The following LIN54 variants were observed in gnomAD, a reference collection of about 807,000 sequenced individuals.
LIN54 encodes lin-54 DREAM MuvB core complex component.
Under a neutral mutation model 78.7 loss-of-function variants are expected in LIN54, and 9 were observed. The observed-to-expected ratio is 0.11, with a 90% CI of 0.07 to 0.20. The LOEUF (loss-of-function observed/expected upper bound fraction) is 0.20. Among genes scored for constraint, LIN54 ranks in the 10% least tolerant of loss-of-function variants. The probability of loss-of-function intolerance (pLI) is 1.00; values close to 1 mark genes in which losing one functional copy is unlikely to be tolerated. For missense variants in LIN54, 573 were observed against 889.9 expected (o/e 0.64, Z 4.53); for synonymous variants, 269 against 318.4 (o/e 0.84, Z 1.65).
At chr4:83,003,020 T>G (rs1729000351) in intron 1 of LIN54, among the ~76,000 whole-genome samples, 1 of 152,182 alleles carries the variant, frequency 6.6e-6, no homozygotes, top group African/African-American at 2.4e-5. Flanking sequence ...TTAAGCTTTT[T>G]TTTGTGAGTG....
chr4:83,008,733 T>C (rs1729618533), intron 1 of LIN54, among the ~76,000 whole-genome samples: 1 of 152,184 alleles, frequency 6.6e-6, no homozygotes, highest in African/African-American at 2.4e-5. Flanking sequence ...AAATGAACAC[T>C]GGACTATCTC....
chr4:82,994,789 T>C (rs1728054869), intron 1 of LIN54, among the ~76,000 whole-genome samples: 1 of 152,092 alleles, frequency 6.6e-6, no homozygotes, highest in Non-Finnish European at 1.5e-5. Context: ...AGATCTTTGA[T>C]ATCCTTAATA....
chr4:82,981,542 A>G lies in LIN54; in HGVS notation c.685-2536T>C, dbSNP rs1726639259. Among the ~76,000 whole-genome samples, 14 of 152,292 alleles carry G rather than the reference A, an allele frequency of 9.2e-5. No individual in the cohort carries two copies. In the South Asian group the frequency reaches 2.9e-3, roughly 32 times the overall value. On this transcript the variant is annotated intron_variant, in intron 2 of 12. Coordinates refer to ENST00000340417, the MANE Select transcript of LIN54 (RefSeq NM_194282.4). ...ACTAAACCAAATATTCTGGTGTCAA[A>G]AAAGGAAAAAATATAGATGCATAGT...
intron 4 of LIN54, among the ~76,000 whole-genome samples, chr4:82,959,411 C>A (rs1436878339): frequency 6.6e-6 from 1 of 152,030 alleles, no homozygotes; most frequent in African/African-American, 2.4e-5. Flanking sequence ...AAGAGGATTG[C>A]TTCAATCCAG....
At chr4:82,931,214 A>G (rs371223380) in intron 11 of LIN54, 69 bp from the exon 12 acceptor site, 13 of 1,133,712 alleles carry the variant, frequency 1.1e-5, no homozygotes, top group African/African-American at 4.6e-5. Context: ...AGATGCCACA[A>G]TCAAATCAAC....
chr4:83,011,621 T>C (rs1729858412), upstream of LIN54, among the ~76,000 whole-genome samples: 1 of 152,106 alleles, frequency 6.6e-6, no homozygotes, highest in Non-Finnish European at 1.5e-5. Context: ...TGCTGATATA[T>C]TTGTTCTGTA....
In LIN54 at chr4:82,935,941, T is replaced by G. The variant is rs372407833; in HGVS notation, c.1845+40A>C. 3.1e-6 allele frequency: 5 copies of G among 1,597,644 alleles called. No individual in the cohort carries two copies. In the African/African-American group the frequency reaches 4.0e-5, roughly 13 times the overall value. ...TTTTGTAGTAGGTCCTTTCTAAAAC[T>G]GTTTTTAAAAGATATTATTTTCCGC... On this transcript the variant is annotated intron_variant, in intron 11 of 12. Transcript: ENST00000340417.
intron 4 of LIN54, among the ~76,000 whole-genome samples, chr4:82,954,092 AATAG>A (rs1197457264): frequency 1.3e-5 from 2 of 152,236 alleles, no homozygotes; most frequent in Non-Finnish European, 2.9e-5. Context: ...TGATTTTCAA[AATAG>A]ATAAATATTG....
intron 1 of LIN54, among the ~76,000 whole-genome samples, chr4:83,010,246 CATG>C (rs766236624): frequency 1.3e-5 from 2 of 152,204 alleles, no homozygotes; most frequent in Non-Finnish European, 2.9e-5. Flanking sequence ...ATCAGGAAAT[CATG>C]ATAAGTGCTA....
intron 1 of LIN54, among the ~76,000 whole-genome samples, chr4:83,000,672 C>T (rs1370402410): frequency 6.6e-6 from 1 of 151,932 alleles, no homozygotes; most frequent in East Asian, 1.9e-4. Context: ...CTTTAAGGCT[C>T]ATTATACATG....
intron 11 of LIN54, among the ~76,000 whole-genome samples, chr4:82,935,535 G>A (rs1344276709): frequency 1.3e-5 from 2 of 151,880 alleles, no homozygotes; most frequent in Admixed American, 6.6e-5. Context: ...TGATCTGCCC[G>A]CCTCTGCCTC....
rs1268052687 is a variant in LIN54, at chr4:83,010,552, C to T, written c.-101G>A. ...GGGCTCCAGAAGGTCCTGGGCAATC[C>T]CGAGCCCCGGCGGGGCTTGTTTTGC... On this transcript the variant is annotated 5_prime_UTR_variant, in exon 1 of 13. Transcript: ENST00000340417. The T allele has an allele frequency of 8.3e-7, 1 of 1,210,060 alleles. No individual in the cohort carries two copies. The highest frequency in any genetic ancestry group is 1.6e-5 in the African/African-American group (1 of 63,446). The allele number at this position is 1,210,060 out of a possible 1,614,324, so 75.0% of individuals were successfully genotyped here. A position where few individuals can be genotyped will look rare whatever the true frequency, so the allele number is the denominator to read the frequency against.
chr4:82,953,539 G>A (rs1321434657), intron 4 of LIN54, among the ~76,000 whole-genome samples: 1 of 152,060 alleles, frequency 6.6e-6, no homozygotes, highest in Non-Finnish European at 1.5e-5. Flanking sequence ...GAGATGGGAG[G>A]ATCATTTAAG....
At chr4:82,948,466 C>T (rs1723586805) in intron 4 of LIN54, among the ~76,000 whole-genome samples, 1 of 152,118 alleles carries the variant, frequency 6.6e-6, no homozygotes, top group Non-Finnish European at 1.5e-5. Context: ...GTATGGGATA[C>T]ATATAGCCAA....
intron 1 of LIN54, among the ~76,000 whole-genome samples, chr4:83,002,905 G>A (rs957977495): frequency 4.6e-5 from 7 of 152,310 alleles, no homozygotes; most frequent in African/African-American, 1.4e-4. Flanking sequence ...GGATATGACT[G>A]CTTGGGGTTG....
intron 11 of LIN54, 127 bp from the exon 12 acceptor site, chr4:82,931,272 A>G (rs1721929411): frequency 1.6e-5 from 11 of 708,702 alleles, no homozygotes; most frequent in Admixed American, 2.4e-5. Context: ...AGATGGAAGT[A>G]TCTCTGGCTG....
At chr4:82,944,888 G>A in intron 5 of LIN54, 1 of 152,272 alleles carries the variant, frequency 6.6e-6, no homozygotes. Context: ...TTGAGATGGA[G>A]TCTCGCTCTG....
chr4:82,987,130 A>G (rs1050364069), intron 1 of LIN54, among the ~76,000 whole-genome samples: 2 of 152,202 alleles, frequency 1.3e-5, no homozygotes, highest in Admixed American at 1.3e-4. Context: ...ATCTCTACTA[A>G]AAATACAAAA....
At chr4:82,959,632 C>T (rs1433969897) in intron 4 of LIN54, among the ~76,000 whole-genome samples, 1 of 152,080 alleles carries the variant, frequency 6.6e-6, no homozygotes, top group African/African-American at 2.4e-5. Context: ...ACAATTTGTA[C>T]AAATATACTA....
Sources: gnomAD v4.1 joint callset for allele counts (sites outside exome capture counted in the v4.1 genomes callset) on GRCh38, gnomAD v4.1.1 for gene constraint, MANE v1.5 for transcripts, NCBI Gene and HGNC (gene_info 2026-07-23, HGNC 2026-07-21) for gene names.